The following ZNF75D variants were observed in gnomAD, a reference collection of about 807,000 sequenced individuals.
The protein encoded by ZNF75D is zinc finger protein 75.
In ZNF75D, 33 loss-of-function variants were observed where a neutral mutation model predicts 33.3. The observed-to-expected ratio is 0.99, with a 90% CI of 0.75 to 1.32. The LOEUF is 1.32. Ranked by LOEUF, ZNF75D falls within the 40% of genes most tolerant of loss-of-function variation. The pLI, the probability that ZNF75D is intolerant of heterozygous loss-of-function variation, is 0.00. For missense variants in ZNF75D, 338 were observed against 367.5 expected (o/e 0.92, Z 0.66); for synonymous variants, 113 against 130.6 (o/e 0.87, Z 0.92).
At chrX:135,270,369 A>T (rs1335374955) in intron 1 of ZNF75D, among the ~76,000 whole-genome samples, 3 of 86,479 alleles carry the variant, frequency 3.5e-5, no homozygotes, top group Non-Finnish European at 6.9e-5. Context: ...ATATATATAT[A>T]TATATATATA....
chrX:135,281,602 T>A (rs1344384280), downstream of ZNF75D, among the ~76,000 whole-genome samples: 2 of 112,019 alleles, frequency 1.8e-5, no homozygotes, highest in Non-Finnish European at 3.8e-5. Context: ...TTTTGTGCTG[T>A]TTTTTCCTCA....
At chrX:135,292,586 A>G in intron 3 of ZNF75D, 113 bp from the exon 4 acceptor site, 1 of 577,137 alleles carries the variant, frequency 1.7e-6, no homozygotes. Context: ...ACATTAGAGA[A>G]GTAATAAAAA....
chrX:135,261,862 C>T (rs12008229), intron 1 of ZNF75D, among the ~76,000 whole-genome samples: 37,016 of 110,269 alleles, frequency 0.34, 5,065 homozygotes, highest in Non-Finnish European at 0.44. Flanking sequence ...GTTATTTTGC[C>T]CGTTAATTGA....
At chrX:135,285,164 T>C (rs2083936452), downstream of ZNF75D, among the ~76,000 whole-genome samples, 1 of 111,923 alleles carries the variant, frequency 8.9e-6, no homozygotes, top group Non-Finnish European at 1.9e-5. Context: ...ACTTTCATTC[T>C]TTTTAGTCGC....
intron 1 of ZNF75D, among the ~76,000 whole-genome samples, chrX:135,329,122 T>C (rs1230336381): frequency 1.8e-5 from 2 of 112,296 alleles, no homozygotes; most frequent in African/African-American, 3.2e-5. Flanking sequence ...ACTTCCATCA[T>C]CACTATGCTG....
At chrX:135,336,006 C>T (rs1028741803) in intron 1 of ZNF75D, among the ~76,000 whole-genome samples, 6 of 112,309 alleles carry the variant, frequency 5.3e-5, no homozygotes, top group African/African-American at 1.6e-4. Flanking sequence ...GAAAAAGTAA[C>T]CTTTTTGTTA....
chrX:135,282,432 G>T (rs1265478921), downstream of ZNF75D, among the ~76,000 whole-genome samples: 1 of 111,709 alleles, frequency 9.0e-6, no homozygotes, highest in Non-Finnish European at 1.9e-5. Flanking sequence ...TGGGCTCCGT[G>T]GGGTTGGATC....
rs2148466234 is a variant in ZNF75D at position 135,286,103 on chromosome X, C to G, written c.*1034G>C. ...AGCCATATGCCTTACTTTTCTCTGA[C>G]ACTTCAGGATGTTCCCTCCTGGTAT... On this transcript the variant is annotated 3_prime_UTR_variant, in exon 7 of 7. Transcript: ENST00000370766. The G allele has an allele frequency of 8.9e-6, 1 of 112,392 alleles. No homozygotes were observed. The highest frequency in any genetic ancestry group is 1.9e-5 in the Non-Finnish European group (1 of 53,292). 9.3% of individuals were successfully genotyped at this position (112,392 alleles called of 1,213,427 possible).
intron 1 of ZNF75D, among the ~76,000 whole-genome samples, chrX:135,300,504 T>C (rs782341234): frequency 9.0e-6 from 1 of 111,091 alleles, no homozygotes; most frequent in African/African-American, 3.3e-5. Flanking sequence ...TCCTAGCACT[T>C]TGGGAGGCTG....
intron 6 of ZNF75D, 106 bp from the exon 7 acceptor site, chrX:135,287,952 A>C: frequency 1.5e-6 from 1 of 653,055 alleles, no homozygotes; most frequent in Non-Finnish European, 2.3e-6. Flanking sequence ...ATACAGGAAC[A>C]AGTGATTTCT....
In ZNF75D at chrX:135,286,096, T is replaced by G. The variant is rs4589; in HGVS notation, c.*1041A>C. The stretch of plus-strand genomic sequence containing the variant: ...CACTGTGAGCCATATGCCTTACTTT[T>G]CTCTGACACTTCAGGATGTTCCCTC... On this transcript the variant is annotated 3_prime_UTR_variant, in exon 7 of 7. Coordinates refer to ENST00000370766, the MANE Select transcript of ZNF75D (RefSeq NM_007131.5). 0.21 allele frequency: 23,804 copies of G among 111,676 alleles called. 2,059 individuals are homozygous for G. Among genetic ancestry groups the G allele is most frequent in the Middle Eastern group, 0.37 (79 of 215 alleles). The allele number at this position is 111,676 out of a possible 1,213,427, so 9.2% of individuals were successfully genotyped here. A position where few individuals can be genotyped will look rare whatever the true frequency, so the allele number is the denominator to read the frequency against.
intron 1 of ZNF75D, among the ~76,000 whole-genome samples, chrX:135,320,471 A>T (rs2084482124): frequency 8.9e-6 from 1 of 111,760 alleles, no homozygotes; most frequent in Non-Finnish European, 1.9e-5. Context: ...GTTAAAATGT[A>T]AAAAAGTAAG....
At position 135,295,799 on chromosome X, in the gene ZNF75D, C is replaced by T. The variant is rs1402634383; in HGVS notation, c.-150G>A. On this transcript the variant is annotated 5_prime_UTR_variant, in exon 2 of 7. The change creates a new upstream start codon in the 5' untranslated region. Transcript: ENST00000370766. ...TCAGCTCTGGCTTCCCCGGAGGCCA[C>T]TTTCCTCTTCCTCGGCTCGACTACG... The T allele has an allele frequency of 8.9e-6, 1 of 112,381 alleles. No homozygotes were observed. Among genetic ancestry groups the T allele is most frequent in the Non-Finnish European group, 1.9e-5 (1 of 53,230 alleles). The allele number at this position is 112,381 out of a possible 1,213,427, so 9.3% of individuals were successfully genotyped here.
At chrX:135,283,160 A>C (rs1243897758), downstream of ZNF75D, among the ~76,000 whole-genome samples, 1 of 111,391 alleles carries the variant, frequency 9.0e-6, no homozygotes, top group Non-Finnish European at 1.9e-5. Flanking sequence ...CAGATCTAAG[A>C]GTGATATTAT....
chrX:135,288,168 A>G (rs1168936836), intron 6 of ZNF75D, among the ~76,000 whole-genome samples: 2 of 112,524 alleles, frequency 1.8e-5, no homozygotes, highest in Non-Finnish European at 3.8e-5. Flanking sequence ...GAAGGCAACT[A>G]TCAACAGAAG....
At chrX:135,324,024 C>CAT (rs1491528997) in intron 1 of ZNF75D, among the ~76,000 whole-genome samples, 1 of 108,518 alleles carries the variant, frequency 9.2e-6, no homozygotes, top group African/African-American at 3.4e-5. Context: ...CACACACACA[C>CAT]GCACACCCAA....
At chrX:135,318,743 C>A in intron 1 of ZNF75D, among the ~76,000 whole-genome samples, 1 of 110,695 alleles carries the variant, frequency 9.0e-6, no homozygotes. Flanking sequence ...AATGGTATAC[C>A]AAAAAACTAG....
At chrX:135,309,474 T>G in intron 1 of ZNF75D, 1 of 297,062 alleles carries the variant, frequency 3.4e-6, no homozygotes, top group Non-Finnish European at 5.9e-6. Flanking sequence ...TTGGGGCTGC[T>G]GCTTCATGGA....
At chrX:135,271,847 G>T (rs1231082751) in intron 1 of ZNF75D, among the ~76,000 whole-genome samples, 1 of 112,089 alleles carries the variant, frequency 8.9e-6, no homozygotes, top group African/African-American at 3.2e-5. Flanking sequence ...GAACCAGTAA[G>T]TCCTATGGGA....
Sources: gnomAD v4.1 joint callset for allele counts (sites outside exome capture counted in the v4.1 genomes callset) on GRCh38, gnomAD v4.1.1 for gene constraint, MANE v1.5 for transcripts, NCBI Gene and HGNC (gene_info 2026-07-23, HGNC 2026-07-21) for gene names.